The following NOL4L variants were observed in gnomAD, a reference collection of about 807,000 sequenced individuals.
NOL4L encodes the protein nucleolar protein 4 like, also known as nucleolar protein 4-like.
A neutral mutation model predicts 64.5 loss-of-function variants in NOL4L; 7 were observed. That is an observed-to-expected ratio of 0.11 (90% CI 0.06 to 0.20). The LOEUF (loss-of-function observed/expected upper bound fraction) is 0.20, where lower values mean the gene tolerates loss of function less well. Ranked by LOEUF, NOL4L falls within the 10% of genes least tolerant of loss-of-function variation. The pLI, the probability that NOL4L is intolerant of heterozygous loss-of-function variation, is 1.00. For synonymous variants in NOL4L, 413 were observed against 401.0 expected (o/e 1.03, Z -0.36); for missense variants, 680 against 967.1 (o/e 0.70, Z 3.94).
chr20:32,523,826 G>C (rs1206334338), intron 2 of NOL4L, among the ~76,000 whole-genome samples: 1 of 152,196 alleles, frequency 6.6e-6, no homozygotes, highest in Non-Finnish European at 1.5e-5. Flanking sequence ...GTAAAAAACA[G>C]GGACTTCACT....
At chr20:32,456,044 C>A (rs538347116) in intron 6 of NOL4L, 74 bp downstream of exon 6, 2 of 1,413,860 alleles carry the variant, frequency 1.4e-6, no homozygotes, top group Admixed American at 2.7e-5. Flanking sequence ...AAGCTCTGGG[C>A]GTATACAATT....
intron 5 of NOL4L, chr20:32,465,153 T>G (rs991560288): frequency 2.1e-6 from 1 of 482,500 alleles, no homozygotes; most frequent in African/African-American, 2.0e-5. Context: ...GAGGGGGAGG[T>G]GGACACCAAT....
chr20:32,561,639 G>A (rs1168796764), intron 1 of NOL4L, among the ~76,000 whole-genome samples: 1 of 152,140 alleles, frequency 6.6e-6, no homozygotes, highest in Admixed American at 6.5e-5. Context: ...CCCAGCCAGG[G>A]TTGGGCTTGG....
At chr20:32,450,079 A>G (rs1051272266) in intron 10 of NOL4L, 3 of 152,174 alleles carry the variant, frequency 2.0e-5, no homozygotes, top group African/African-American at 7.2e-5. Flanking sequence ...TTGCCGAGGG[A>G]CTGCCGTATG....
At chr20:32,477,180 G>A (rs568161992) in intron 4 of NOL4L, among the ~76,000 whole-genome samples, 2 of 152,196 alleles carry the variant, frequency 1.3e-5, no homozygotes, top group Admixed American at 1.3e-4. Flanking sequence ...AGAAGGCAAA[G>A]CTTCTCAGGG....
At chr20:32,466,979 G>T (rs1568617676) in intron 5 of NOL4L, among the ~76,000 whole-genome samples, 1 of 152,146 alleles carries the variant, frequency 6.6e-6, no homozygotes, top group African/African-American at 2.4e-5. Flanking sequence ...CCCAGGGGAG[G>T]GTGGGCATCA....
At chr20:32,533,607 T>C (rs532267870) in intron 1 of NOL4L, 1 of 152,326 alleles carries the variant, frequency 6.6e-6, no homozygotes, top group Non-Finnish European at 1.5e-5. Flanking sequence ...CAAAAGAATC[T>C]TATTGGGCAA....
intron 1 of NOL4L, among the ~76,000 whole-genome samples, chr20:32,534,843 C>A: frequency 6.7e-6 from 1 of 148,376 alleles, no homozygotes; most frequent in South Asian, 2.1e-4. Context: ...GACCGTACCA[C>A]TAAACTCCAG....
intron 1 of NOL4L, among the ~76,000 whole-genome samples, chr20:32,576,503 C>G (rs1036670175): frequency 6.6e-6 from 1 of 152,150 alleles, no homozygotes; most frequent in African/African-American, 2.4e-5. Context: ...AATGAATGAC[C>G]TGGGCTTGGG....
intron 10 of NOL4L, among the ~76,000 whole-genome samples, chr20:32,448,519 A>G (rs919065328): frequency 2.0e-5 from 3 of 152,172 alleles, no homozygotes; most frequent in Non-Finnish European, 4.4e-5. Flanking sequence ...GGATGGAGGA[A>G]GGGGCTGGGT....
chr20:32,465,627 G>C (rs1164449585), intron 5 of NOL4L, among the ~76,000 whole-genome samples: 2 of 152,242 alleles, frequency 1.3e-5, no homozygotes, highest in African/African-American at 4.8e-5. Flanking sequence ...CGTGTTCTCA[G>C]AGCAAACAGA....
At chr20:32,502,422 G>A (rs909674425) in intron 4 of NOL4L, among the ~76,000 whole-genome samples, 5 of 151,464 alleles carry the variant, frequency 3.3e-5, no homozygotes, top group South Asian at 4.2e-4. Context: ...GTGAAACCCC[G>A]TCTCTACTGA....
intron 4 of NOL4L, among the ~76,000 whole-genome samples, chr20:32,506,765 T>C (rs1232832696): frequency 6.6e-6 from 1 of 152,144 alleles, no homozygotes; most frequent in East Asian, 1.9e-4. Context: ...TTGTCCCCTC[T>C]ACTAAGAAGA....
Position 32,453,183 on chromosome 20 carries a change from G to A in NOL4L, c.1497+121C>T. ...CCCTCATTTGCAAACCAGGGATTATGGTACTTGCTTCCAGGGCTCCTGGGA... is the reference window on the plus strand; with the variant it reads ...CCCTCATTTGCAAACCAGGGATTATAGTACTTGCTTCCAGGGCTCCTGGGA... On this transcript the variant is annotated intron_variant, in intron 8 of 10. Coordinates refer to ENST00000621426, the MANE Select transcript of NOL4L (RefSeq NM_001256798.2). This position sits in a 1 kb window ranked among gnomAD's most constrained non-coding sequence, Gnocchi z 5.6. The A allele has an allele frequency of 7.1e-7, 1 of 1,414,948 alleles. No homozygotes were observed. Among genetic ancestry groups the A allele is most frequent in the African/African-American group, 1.4e-5 (1 of 70,328 alleles). The allele number at this position is 1,414,948 out of a possible 1,614,324, so 87.6% of individuals were successfully genotyped here.
chr20:32,501,901 G>T (rs983015826), intron 4 of NOL4L, among the ~76,000 whole-genome samples: 3 of 152,180 alleles, frequency 2.0e-5, no homozygotes, highest in African/African-American at 7.2e-5. Context: ...GGAATCCGAA[G>T]AAAGGAAATG....
At chr20:32,517,254 T>C (rs1263079498) in intron 3 of NOL4L, among the ~76,000 whole-genome samples, 1 of 152,192 alleles carries the variant, frequency 6.6e-6, no homozygotes, top group Admixed American at 6.5e-5. Flanking sequence ...CCAGCAGCCC[T>C]CAAGGAGCCT....
intron 5 of NOL4L, among the ~76,000 whole-genome samples, chr20:32,470,792 G>A (rs1298118137): frequency 1.3e-5 from 2 of 152,366 alleles, no homozygotes; most frequent in East Asian, 3.9e-4. Context: ...TGTGGAGAGG[G>A]CCTTCTTTGG....
In NOL4L at chr20:32,584,563, C is replaced by A. The variant is rs1980772440; in HGVS notation, c.321+7G>T. ...GACCCGCCCGCGGCCGCCGCGCGCG[C>A]ACTCACCGAGCCCGTCTTGACCGGC... On this transcript the variant is annotated splice_region_variant and intron_variant, in intron 1 of 10. Transcript: ENST00000621426. 1.5e-6 allele frequency: 2 copies of A among 1,352,280 alleles called. No homozygotes were observed. The highest frequency in any genetic ancestry group is 1.9e-6 in the Non-Finnish European group (2 of 1,042,484). The allele number at this position is 1,352,280 out of a possible 1,614,324, so 83.8% of individuals were successfully genotyped here.
intron 5 of NOL4L, chr20:32,465,076 T>C: frequency 1.7e-6 from 1 of 598,614 alleles, no homozygotes; most frequent in South Asian, 2.0e-5. Context: ...AAGCTGCAGA[T>C]GATGTTCAGG....
Sources: gnomAD v4.1 joint callset for allele counts (sites outside exome capture counted in the v4.1 genomes callset) on GRCh38, gnomAD v4.1.1 for gene constraint, Gnocchi (gnomAD v3.1) non-coding constraint, MANE v1.5 for transcripts, NCBI Gene and HGNC (gene_info 2026-07-23, HGNC 2026-07-21) for gene names.